The following POU2F3 variants were observed in gnomAD, a reference collection of about 807,000 sequenced individuals.
The protein encoded by POU2F3 is POU domain, class 2, transcription factor 3.
In POU2F3, 23 loss-of-function variants were observed where a neutral mutation model predicts 59.2. The observed-to-expected ratio is 0.39, with a 90% CI of 0.28 to 0.55. The LOEUF (loss-of-function observed/expected upper bound fraction) is 0.55, where lower values mean the gene tolerates loss of function less well. Ranked by LOEUF, POU2F3 falls within the 20% of genes least tolerant of loss-of-function variation. The probability of loss-of-function intolerance (pLI) is 0.66; values close to 1 mark genes in which losing one functional copy is unlikely to be tolerated. For synonymous variants in POU2F3, 190 were observed against 214.6 expected (o/e 0.89, Z 1.00); for missense variants, 473 against 544.5 (o/e 0.87, Z 1.31).
chr11:120,319,460 T>TTTTTTTTTTTG lies in POU2F3; in HGVS notation c.*1070_*1071insTTTTTTTTGTT, dbSNP rs1555083314. On this transcript the variant is annotated 3_prime_UTR_variant, in exon 13 of 13. Coordinates refer to ENST00000543440, the MANE Select transcript of POU2F3 (RefSeq NM_014352.4). ...TTTCTTTTTCTTTTTTTTTTTTTTT[T>TTTTTTTTTTTG]TTGAGACAGTCTTGCTCCAGCCCAG... 6.8e-6 allele frequency: 1 copy of TTTTTTTTTTTG among 147,598 alleles called. No individual in the cohort carries two copies. The highest frequency in any genetic ancestry group is 2.6e-5 in the African/African-American group (1 of 39,120). The allele number at this position is 147,598 out of a possible 1,614,324, so 9.1% of individuals were successfully genotyped here.
At chr11:120,272,175 T>A (rs946065691) in intron 3 of POU2F3, among the ~76,000 whole-genome samples, 3 of 152,200 alleles carry the variant, frequency 2.0e-5, no homozygotes, top group Admixed American at 6.5e-5. Context: ...GGTGATACGA[T>A]CCTCATTTCA....
Position 120,267,321 on chromosome 11 carries a change from G to A in POU2F3, c.98-1889G>A, listed in dbSNP as rs752174204. 3.9e-5 allele frequency among the ~76,000 whole-genome samples: 6 copies of A among 152,156 alleles called. No homozygotes were observed. In the South Asian group the frequency reaches 6.2e-4, roughly 16 times the overall value. On this transcript the variant is annotated intron_variant, in intron 2 of 12. Transcript: ENST00000543440. The stretch of plus-strand genomic sequence containing the variant: ...TTTTTGTATTTTTAGTAGAGGTGGG[G>A]TTTCACCATATTGGCCAGGCTGGTC...
chr11:120,294,735 C>T (rs117758225), intron 3 of POU2F3, among the ~76,000 whole-genome samples: 7,185 of 152,264 alleles, frequency 0.047, 247 homozygotes, highest in Middle Eastern at 0.075. Flanking sequence ...TCGATGTACC[C>T]TTCCTCCTTC....
intron 3 of POU2F3, among the ~76,000 whole-genome samples, chr11:120,286,576 ACTCC>A (rs1333029765): frequency 6.6e-6 from 1 of 151,722 alleles, no homozygotes; most frequent in Non-Finnish European, 1.5e-5. Context: ...AGTACAGGAA[ACTCC>A]CTCCATTCAG....
chr11:120,286,301 T>A (rs553882413), intron 3 of POU2F3, among the ~76,000 whole-genome samples: 1 of 152,212 alleles, frequency 6.6e-6, no homozygotes, highest in African/African-American at 2.4e-5. Flanking sequence ...GTTTGTGCCT[T>A]GTTGCCTTTA....
chr11:120,290,290 T>C (rs1414742194), intron 3 of POU2F3, among the ~76,000 whole-genome samples: 1 of 152,214 alleles, frequency 6.6e-6, no homozygotes, highest in Non-Finnish European at 1.5e-5. Context: ...TTCAGACCTG[T>C]TGAAAACTTC....
chr11:120,264,247 G>A (rs892245937), intron 2 of POU2F3, among the ~76,000 whole-genome samples: 9 of 150,624 alleles, frequency 6.0e-5, no homozygotes, highest in African/African-American at 2.2e-4. Context: ...AGCTGAGCAT[G>A]GTGGCACATG....
chr11:120,240,967 G>C (rs1015019470), intron 1 of POU2F3, among the ~76,000 whole-genome samples: 1 of 152,166 alleles, frequency 6.6e-6, no homozygotes, highest in Non-Finnish European at 1.5e-5. Context: ...CTTCCCTAAG[G>C]GGTGGAAACC....
chr11:120,295,649 A>T (rs744983), intron 3 of POU2F3, among the ~76,000 whole-genome samples: 1 of 152,110 alleles, frequency 6.6e-6, no homozygotes, highest in Non-Finnish European at 1.5e-5. Context: ...ATCTAAGGAT[A>T]TGGAAACTCT....
At chr11:120,249,561 G>A (rs181125671) in intron 2 of POU2F3, among the ~76,000 whole-genome samples, 324 of 152,224 alleles carry the variant, frequency 2.1e-3, no homozygotes, top group Middle Eastern at 0.01. Context: ...TCAATTATGT[G>A]GTTGATGAGA....
chr11:120,240,339 G>A lies in POU2F3; in HGVS notation c.-5G>A. ...GGCGCTGGCTTTGGCCCCGCCTGGG[G>A]CAGGATGGTGAATCTGGAGTCCATG... is the stretch of plus-strand genomic sequence containing the variant. On this transcript the variant is annotated 5_prime_UTR_variant, in exon 1 of 13. Coordinates refer to ENST00000543440, the MANE Select transcript of POU2F3 (RefSeq NM_014352.4). The A allele has an allele frequency of 7.1e-7, 1 of 1,410,742 alleles. No individual in the cohort carries two copies. The highest frequency in any genetic ancestry group is 9.3e-7 in the Non-Finnish European group (1 of 1,071,074). 87.4% of individuals were successfully genotyped at this position (1,410,742 alleles called of 1,614,324 possible). A position where few individuals can be genotyped will look rare whatever the true frequency, so the allele number is the denominator to read the frequency against.
At chr11:120,258,283 C>T (rs1009231718) in intron 2 of POU2F3, among the ~76,000 whole-genome samples, 6 of 152,128 alleles carry the variant, frequency 3.9e-5, no homozygotes, top group Non-Finnish European at 8.8e-5. Context: ...AACCTTAAAC[C>T]TCTCTGAGCC....
chr11:120,307,395 A>T, intron 8 of POU2F3, 84 bp from the exon 9 acceptor site: 1 of 1,495,606 alleles, frequency 6.7e-7, no homozygotes, highest in Non-Finnish European at 9.2e-7. Context: ...CCCATCGGGA[A>T]GGGTTGTTGG....
chr11:120,280,683 AT>A (rs1940530353), intron 3 of POU2F3, among the ~76,000 whole-genome samples: 1 of 152,236 alleles, frequency 6.6e-6, no homozygotes, highest in Non-Finnish European at 1.5e-5. Context: ...CAAATGAGAC[AT>A]GACCTAATGT....
chr11:120,274,285 G>A (rs1402813141), intron 3 of POU2F3, among the ~76,000 whole-genome samples: 2 of 152,180 alleles, frequency 1.3e-5, no homozygotes, highest in Admixed American at 6.5e-5. Flanking sequence ...AAAGTGGGGA[G>A]AATAGTGATA....
rs562553365 is a variant in POU2F3 at position 120,297,966 on chromosome 11, C to T, written c.133-299C>T. Among the ~76,000 whole-genome samples, 10 of 145,586 alleles carry T rather than the reference C, an allele frequency of 6.9e-5. 1 individual carries two copies. The South Asian group carries it at 1.5e-3, about 22-fold the overall frequency. On this transcript the variant is annotated intron_variant, in intron 3 of 12. Coordinates refer to ENST00000543440, the MANE Select transcript of POU2F3 (RefSeq NM_014352.4). ...TTTTTTTTTTTTTTTGGTTTAGAGA[C>T]GAAGTCTTGTTATGCTGCCCTGGCT...
intron 3 of POU2F3, among the ~76,000 whole-genome samples, chr11:120,287,141 C>T (rs17311233): frequency 0.062 from 9,427 of 152,216 alleles, 400 homozygotes; most frequent in South Asian, 0.11. Context: ...TTAAAGGAAA[C>T]GAACCTAGTT....
intron 2 of POU2F3, among the ~76,000 whole-genome samples, chr11:120,248,568 G>A (rs1324318522): frequency 6.6e-6 from 1 of 152,238 alleles, no homozygotes; most frequent in Admixed American, 6.5e-5. Context: ...CCGGAAGGTT[G>A]GTTTTGCTCC....
At chr11:120,293,241 C>T (rs915300658) in intron 3 of POU2F3, among the ~76,000 whole-genome samples, 3 of 152,072 alleles carry the variant, frequency 2.0e-5, no homozygotes, top group African/African-American at 4.8e-5. Flanking sequence ...GGTCATCTCC[C>T]CAAGCACTTC....
Sources: gnomAD v4.1 joint callset for allele counts (sites outside exome capture counted in the v4.1 genomes callset) on GRCh38, gnomAD v4.1.1 for gene constraint, MANE v1.5 for transcripts, NCBI Gene and HGNC (gene_info 2026-07-23, HGNC 2026-07-21) for gene names.